SLC44A5: variants seen among roughly 807,000 people sequenced by gnomAD.
SLC44A5 encodes the protein solute carrier family 44 member 5, also known as choline transporter-like protein 5.
In SLC44A5, 57 loss-of-function variants were observed where a neutral mutation model predicts 101.8. The ratio of observed to expected loss-of-function variants is 0.56; its 90% CI spans 0.45 to 0.70. The LOEUF is 0.70. Among genes scored for constraint, SLC44A5 ranks in the 30% least tolerant of loss-of-function variants. SLC44A5 has a pLI of 0.00. For synonymous variants in SLC44A5, 281 were observed against 290.9 expected (o/e 0.97, Z 0.35); for missense variants, 737 against 853.1 (o/e 0.86, Z 1.70).
chr1:75,329,441 T>G (rs1237489453), intron 4 of SLC44A5, among the ~76,000 whole-genome samples: 4 of 133,522 alleles, frequency 3.0e-5, no homozygotes, highest in African/African-American at 1.0e-4. Flanking sequence ...AAGAAACATT[T>G]CTTGATTTTT....
chr1:75,444,439 G>T (rs963291081), intron 2 of SLC44A5, among the ~76,000 whole-genome samples: 1 of 116,340 alleles, frequency 8.6e-6, no homozygotes, highest in Non-Finnish European at 1.8e-5. Flanking sequence ...GAAAGACAGA[G>T]AAAGAAAGAA....
chr1:75,693,056 G>A, the SLC44A5 span, among the ~76,000 whole-genome samples: 1 of 152,184 alleles, frequency 6.6e-6, no homozygotes, highest in East Asian at 1.9e-4. Flanking sequence ...ACATGAAGGG[G>A]TAAATAGAGT....
intron 1 of SLC44A5, among the ~76,000 whole-genome samples, chr1:75,555,526 A>G (rs1264577362): frequency 6.6e-6 from 1 of 152,106 alleles, no homozygotes; most frequent in Non-Finnish European, 1.5e-5. Flanking sequence ...AGAGTAGAGG[A>G]GAAACAGAAT....
intron 2 of SLC44A5, among the ~76,000 whole-genome samples, chr1:75,498,684 C>T (rs530642828): frequency 1.3e-5 from 2 of 152,214 alleles, no homozygotes; most frequent in African/African-American, 2.4e-5. Flanking sequence ...GAAAAGTACA[C>T]ATTATCATCA....
chr1:75,203,739 A>T lies in SLC44A5; in HGVS notation c.2142T>A (p.Thr714=). Residue 714 remains threonine (T), a synonymous_variant, in exon 24 of 24, where the codon ACT becomes ACA. Coordinates refer to ENST00000370859, the MANE Select transcript of SLC44A5 (RefSeq NM_001130058.2). ...CCAGTTTGCTCTTCTACTGCTTCCT[A>T]GTTTGTGGATTTTCCTCCTGGAAAA... ...LKIFQEENPQ[T]RKQ is the part of the protein sequence containing the mutation. 1.3e-6 allele frequency: 2 copies of T among 1,548,914 alleles called. No homozygotes were observed. The highest frequency in any genetic ancestry group is 1.7e-6 in the Non-Finnish European group (2 of 1,145,756).
intron 1 of SLC44A5, among the ~76,000 whole-genome samples, chr1:75,601,974 AT>A (rs1248236794): frequency 6.6e-6 from 1 of 152,170 alleles, no homozygotes; most frequent in African/African-American, 2.4e-5. Context: ...ACTTGTGAAA[AT>A]TCTGAATATT....
chr1:75,426,694 T>C (rs976349844), intron 2 of SLC44A5, among the ~76,000 whole-genome samples: 1 of 152,338 alleles, frequency 6.6e-6, no homozygotes. Flanking sequence ...AAAAGGAGGC[T>C]GACTCACTTT....
intron 1 of SLC44A5, among the ~76,000 whole-genome samples, chr1:75,550,069 T>C (rs192984073): frequency 6.6e-6 from 1 of 152,104 alleles, no homozygotes. Flanking sequence ...AAAAGATTAT[T>C]CTGCTGAGTT....
At chr1:75,362,493 C>T (rs531684177) in intron 3 of SLC44A5, among the ~76,000 whole-genome samples, 12 of 151,970 alleles carry the variant, frequency 7.9e-5, no homozygotes, top group African/African-American at 2.2e-4. Context: ...TTTTCATTTT[C>T]GTTTGTATCA....
intron 2 of SLC44A5, chr1:75,402,430 G>C (rs1019842833): frequency 5.0e-5 from 20 of 402,506 alleles, no homozygotes; most frequent in African/African-American, 3.9e-4. Flanking sequence ...CTGGTCTGTG[G>C]CTTCCAGCAA....
At chr1:75,616,017 A>G (rs1675863793), upstream of SLC44A5, 3 of 449,248 alleles carry the variant, frequency 6.7e-6, no homozygotes, top group Non-Finnish European at 8.8e-6. Context: ...TGCGAGCAGC[A>G]GCGGCGGCCG....
At chr1:75,457,345 TA>T (rs1369532831) in intron 2 of SLC44A5, among the ~76,000 whole-genome samples, 1 of 151,990 alleles carries the variant, frequency 6.6e-6, no homozygotes, top group South Asian at 2.1e-4. Flanking sequence ...GAAGATGCTT[TA>T]AAAAAACAGA....
chr1:75,384,124 T>C (rs1016707882), intron 3 of SLC44A5, among the ~76,000 whole-genome samples: 1 of 151,928 alleles, frequency 6.6e-6, no homozygotes, highest in Non-Finnish European at 1.5e-5. Flanking sequence ...AAAGACCATC[T>C]AGACTAGGAA....
intron 2 of SLC44A5, among the ~76,000 whole-genome samples, chr1:75,485,709 ACTGTGACAAAGAACTAC>A (rs576470553): frequency 1.3e-3 from 201 of 152,198 alleles, no homozygotes; most frequent in Non-Finnish European, 1.7e-3. Flanking sequence ...CCTTTTTCAC[ACTGTGACAAAGAACTAC>A]CTGAGAGTGG....
the SLC44A5 span, among the ~76,000 whole-genome samples, chr1:75,631,343 G>A: frequency 1.3e-5 from 2 of 151,772 alleles, no homozygotes; most frequent in Non-Finnish European, 2.9e-5. Context: ...TTACTGCTAG[G>A]GTATCTGTGA....
chr1:75,275,574 T>G (rs1651853962), intron 5 of SLC44A5, among the ~76,000 whole-genome samples: 1 of 152,170 alleles, frequency 6.6e-6, no homozygotes, highest in African/African-American at 2.4e-5. Flanking sequence ...AGGCAATATG[T>G]AATAAAGACT....
At chr1:75,545,328 G>A (rs918547934) in intron 1 of SLC44A5, among the ~76,000 whole-genome samples, 4 of 152,116 alleles carry the variant, frequency 2.6e-5, no homozygotes, top group Non-Finnish European at 2.9e-5. Context: ...ACGTGTTCAT[G>A]TGTCTTTATA....
chr1:75,714,332 C>T, the SLC44A5 span, among the ~76,000 whole-genome samples: 2 of 152,066 alleles, frequency 1.3e-5, no homozygotes, highest in African/African-American at 2.4e-5. Context: ...GTCAACATTC[C>T]GTCATGTTAA....
chr1:75,314,990 G>A (rs558166459), intron 4 of SLC44A5, among the ~76,000 whole-genome samples: 3 of 152,064 alleles, frequency 2.0e-5, no homozygotes, highest in Non-Finnish European at 4.4e-5. Context: ...TTTGCCTTGA[G>A]AATCACAATC....
Sources: allele counts gnomAD v4.1 joint callset (sites outside exome capture counted in the v4.1 genomes callset), GRCh38; gene constraint gnomAD v4.1.1; transcripts MANE v1.5; gene names NCBI Gene and HGNC (gene_info 2026-07-23, HGNC 2026-07-21).